The following SPATA22 variants were observed in gnomAD, a reference collection of about 807,000 sequenced individuals.
SPATA22 encodes spermatogenesis-associated protein 22.
In SPATA22, 29 loss-of-function variants were observed where a neutral mutation model predicts 47.8. The observed-to-expected ratio is 0.61, with a 90% confidence interval of 0.45 to 0.83. The LOEUF is 0.83. Ranked by LOEUF, SPATA22 falls within the 40% of genes least tolerant of loss-of-function variation. The pLI is 0.00. For missense variants in SPATA22, 410 were observed against 421.7 expected (o/e 0.97, Z 0.24); for synonymous variants, 133 against 140.9 (o/e 0.94, Z 0.40).
chr17:3,463,921 C>CCCTCTCCCTCTA (rs1567601614), intron 3 of SPATA22, among the ~76,000 whole-genome samples: 2 of 85,816 alleles, frequency 2.3e-5, no homozygotes, highest in Admixed American at 2.6e-4. Context: ...CTCTCCCTCT[C>CCCTCTCCCTCTA]CCTCTCCCTC....
intron 1 of SPATA22, among the ~76,000 whole-genome samples, chr17:3,497,233 C>T (rs1004940814): frequency 2.0e-5 from 3 of 152,104 alleles, no homozygotes; most frequent in Non-Finnish European, 2.9e-5. Flanking sequence ...GCTAGCCAGA[C>T]GTGTGTTGAA....
chr17:3,495,435 A>G (rs1366624144), intron 1 of SPATA22, among the ~76,000 whole-genome samples: 2 of 152,246 alleles, frequency 1.3e-5, no homozygotes, highest in African/African-American at 4.8e-5. Flanking sequence ...AGTCATCCAG[A>G]CTTGCAACTG....
At chr17:3,505,041 C>A (rs11656519) in intron 1 of SPATA22, among the ~76,000 whole-genome samples, 1 of 151,976 alleles carries the variant, frequency 6.6e-6, no homozygotes, top group Non-Finnish European at 1.5e-5. Context: ...AATTTGGCCA[C>A]ATAAGACTTC....
chr17:3,458,007 T>G (rs1256635623), intron 5 of SPATA22, among the ~76,000 whole-genome samples: 1 of 151,924 alleles, frequency 6.6e-6, no homozygotes, highest in African/African-American at 2.4e-5. Flanking sequence ...TTCTGCACAG[T>G]AAAGGAAATA....
intron 1 of SPATA22, among the ~76,000 whole-genome samples, chr17:3,509,213 AG>A (rs1365867921): frequency 1.6e-4 from 24 of 151,416 alleles, no homozygotes; most frequent in Admixed American, 3.9e-4. Context: ...CAAAAAAAAA[AG>A]GGGGGGATAC....
Position 3,498,984 on chromosome 17 carries a change from C to T in SPATA22, c.-74+14428G>A, listed in dbSNP as rs750505963. Reference sequence around the variant, plus strand: ...ACTGGGCGGAGACTGTACCGTGTACCCCGTGTTTGTGAATGAGGCCGCATA... The same window carrying T: ...ACTGGGCGGAGACTGTACCGTGTACTCCGTGTTTGTGAATGAGGCCGCATA... On this transcript the variant is annotated intron_variant, in intron 1 of 8. Coordinates refer to the SPATA22 transcript ENST00000541913. The T allele has an allele frequency of 1.4e-5, 23 of 1,614,120 alleles. No individual in the cohort carries two copies. Among genetic ancestry groups the T allele is most frequent in the Non-Finnish European group, 1.9e-5 (22 of 1,180,020 alleles).
At position 3,481,302 on chromosome 17, in the gene SPATA22, GT is replaced by G. The variant is rs2073623119; in HGVS notation, c.-73-11905del. 2.0e-5 allele frequency among the ~76,000 whole-genome samples: 3 copies of G among 152,226 alleles called. No individual in the cohort carries two copies. The South Asian group carries it at 6.2e-4, about 32-fold the overall frequency. On this transcript the variant is annotated intron_variant, in intron 1 of 8. Transcript: ENST00000541913. The stretch of plus-strand genomic sequence containing the variant: ...AACTGTTCATTAAATTAATGGATAT[GT>G]TGCGTTCAAGATTGAAATCAAATGA...
chr17:3,466,226 T>G (rs1377771940), intron 3 of SPATA22, among the ~76,000 whole-genome samples: 1 of 150,990 alleles, frequency 6.6e-6, no homozygotes, highest in Non-Finnish European at 1.5e-5. Flanking sequence ...TATTTTTAAA[T>G]TCTAGCTATA....
upstream of SPATA22, chr17:3,476,503 A>G: frequency 1.0e-6 from 1 of 1,000,286 alleles, no homozygotes; most frequent in Non-Finnish European, 1.6e-6. Context: ...ATGTCCGTAC[A>G]TGCAGTCGTA....
intron 1 of SPATA22, among the ~76,000 whole-genome samples, chr17:3,491,276 T>C (rs1398125897): frequency 6.6e-6 from 1 of 152,184 alleles, no homozygotes; most frequent in Non-Finnish European, 1.5e-5. Context: ...GTTTTGTTCT[T>C]ATGTTTAAAA....
chr17:3,510,866 T>G (rs2271158), intron 1 of SPATA22: 1 of 152,312 alleles, frequency 6.6e-6, no homozygotes, highest in East Asian at 1.9e-4. Flanking sequence ...TCTCTCAGGC[T>G]GGAGCCTTCT....
chr17:3,471,465 G>T, intron 1 of SPATA22: 2 of 985,430 alleles, frequency 2.0e-6, no homozygotes, highest in Non-Finnish European at 2.4e-6. Flanking sequence ...CCTAAGTGGC[G>T]TTAGTAATGG....
At chr17:3,504,526 T>TG (rs200920759) in intron 1 of SPATA22, among the ~76,000 whole-genome samples, 68 of 80,704 alleles carry the variant, frequency 8.4e-4, no homozygotes, top group South Asian at 7.1e-4. Context: ...TGCAAATCCA[T>TG]GGGAAAAAAA....
intron 1 of SPATA22, among the ~76,000 whole-genome samples, chr17:3,503,792 C>T (rs113069453): frequency 3.3e-5 from 5 of 152,228 alleles, no homozygotes; most frequent in African/African-American, 1.2e-4. Context: ...TCTACATTTG[C>T]ATTTTTCTCA....
At chr17:3,497,802 C>G (rs1034252821) in intron 1 of SPATA22, among the ~76,000 whole-genome samples, 5 of 152,158 alleles carry the variant, frequency 3.3e-5, no homozygotes, top group Admixed American at 3.3e-4. Context: ...CTGGGTGATG[C>G]GGATGCTGCT....
intron 1 of SPATA22, chr17:3,471,345 C>G (rs1350519387): frequency 1.2e-6 from 1 of 841,570 alleles, no homozygotes; most frequent in Non-Finnish European, 1.4e-6. Flanking sequence ...CAGGATCAAA[C>G]AAACAGAATA....
Position 3,488,753 on chromosome 17 carries a change from T to G in SPATA22, c.-73-19355A>C, listed in dbSNP as rs913156201. On this transcript the variant is annotated intron_variant, in intron 1 of 8. Coordinates refer to the SPATA22 transcript ENST00000541913. This position sits in a 1 kb window ranked among gnomAD's most constrained non-coding sequence, Gnocchi z 6.1. ...CATTGCTCAAGGGTCACATAGATTG[T>G]CATATTGACTGAAATCCATGATTCA... Among the ~76,000 whole-genome samples the G allele has an allele frequency of 1.3e-5, 2 of 152,224 alleles. No homozygotes were observed. Among genetic ancestry groups the G allele is most frequent in the Non-Finnish European group, 2.9e-5 (2 of 68,034 alleles).
chr17:3,489,231 C>T, intron 1 of SPATA22: 1 of 1,575,134 alleles, frequency 6.3e-7, no homozygotes, highest in Non-Finnish European at 8.7e-7. Context: ...CCTTCTGTAC[C>T]TAGGTATAGA....
At chr17:3,443,149 CAA>C (rs752182194) in intron 8 of SPATA22, 23 bp downstream of exon 8, 1 of 1,514,804 alleles carries the variant, frequency 6.6e-7, no homozygotes, top group East Asian at 2.3e-5. Context: ...ATAGGCTTCG[CAA>C]AGAGTACTTT....
Sources: gnomAD v4.1 joint callset for allele counts (sites outside exome capture counted in the v4.1 genomes callset) on GRCh38, gnomAD v4.1.1 for gene constraint, Gnocchi (gnomAD v3.1) non-coding constraint, MANE v1.5 for transcripts, NCBI Gene and HGNC (gene_info 2026-07-23, HGNC 2026-07-21) for gene names.